Variants in PLXDC2 observed in about 807,000 individuals in gnomAD.
PLXDC2 encodes plexin domain-containing protein 2.
PLXDC2 carries 40 observed loss-of-function variants against 68.9 expected under a neutral mutation model. The ratio of observed to expected loss-of-function variants is 0.58; its 90% CI spans 0.45 to 0.76. PLXDC2 has a LOEUF of 0.76. Among genes scored for constraint, PLXDC2 ranks in the 30% least tolerant of loss-of-function variants. PLXDC2 has a pLI of 0.00. For synonymous variants in PLXDC2, 243 were observed against 234.2 expected (o/e 1.04, Z -0.34); for missense variants, 644 against 661.9 (o/e 0.97, Z 0.30).
At chr10:20,091,977 A>T (rs1354487526) in intron 4 of PLXDC2, among the ~76,000 whole-genome samples, 2 of 152,254 alleles carry the variant, frequency 1.3e-5, no homozygotes, top group Non-Finnish European at 2.9e-5. Flanking sequence ...GACAGTTAAT[A>T]CATATTCACT....
intron 9 of PLXDC2, among the ~76,000 whole-genome samples, chr10:20,209,677 G>A (rs1346841031): frequency 6.6e-6 from 1 of 152,222 alleles, no homozygotes; most frequent in Admixed American, 6.5e-5. Context: ...CTGTTATCCT[G>A]TTCTTTTCTC....
chr10:20,189,668 A>G (rs968789437), intron 9 of PLXDC2, among the ~76,000 whole-genome samples: 9 of 150,918 alleles, frequency 6.0e-5, no homozygotes, highest in East Asian at 2.0e-4. Context: ...TATATGCTGC[A>G]TAACTTTCCT....
intron 1 of PLXDC2, among the ~76,000 whole-genome samples, chr10:19,990,840 T>G (rs541368118): frequency 6.6e-6 from 1 of 152,362 alleles, no homozygotes; most frequent in African/African-American, 2.4e-5. Flanking sequence ...CTTGGGAACT[T>G]TATTTTAAAA....
At chr10:20,070,032 A>G (rs958888141) in intron 4 of PLXDC2, among the ~76,000 whole-genome samples, 7 of 152,190 alleles carry the variant, frequency 4.6e-5, no homozygotes, top group Non-Finnish European at 1.0e-4. Flanking sequence ...ACAGAGAGGA[A>G]GATCCTGAGT....
intron 3 of PLXDC2, among the ~76,000 whole-genome samples, chr10:20,057,012 A>C (rs75207945): frequency 0.014 from 2,069 of 152,200 alleles, 40 homozygotes; most frequent in African/African-American, 0.045. Context: ...TGCAATAAAC[A>C]AGGCAGGTAT....
intron 4 of PLXDC2, among the ~76,000 whole-genome samples, chr10:20,074,864 G>GTATTATTATTAT (rs35596122): frequency 6.6e-6 from 1 of 151,002 alleles, no homozygotes; most frequent in Non-Finnish European, 1.5e-5. Flanking sequence ...GAGTTGTTTT[G>GTATTATTATTAT]TATTATTATT....
At chr10:19,879,452 A>G (rs1837690290) in intron 1 of PLXDC2, among the ~76,000 whole-genome samples, 1 of 152,142 alleles carries the variant, frequency 6.6e-6, no homozygotes, top group South Asian at 2.1e-4. Flanking sequence ...TGACGGTGCA[A>G]ATCAAATTGT....
At chr10:19,890,676 CTTTTT>C (rs56921191) in intron 1 of PLXDC2, among the ~76,000 whole-genome samples, 1 of 61,146 alleles carries the variant, frequency 1.6e-5, no homozygotes, top group African/African-American at 6.4e-5. Flanking sequence ...CGCCCGGCTG[CTTTTT>C]TTTTTTTTTT....
At chr10:19,966,267 G>GTACACATATATGTGTATATA (rs533645630) in intron 1 of PLXDC2, among the ~76,000 whole-genome samples, 2 of 146,028 alleles carry the variant, frequency 1.4e-5, no homozygotes, top group Admixed American at 6.9e-5. Context: ...GTATGTGTAA[G>GTACACATATATGTGTATATA]TACACATATA....
intron 13 of PLXDC2, among the ~76,000 whole-genome samples, chr10:20,264,245 A>G (rs1266608464): frequency 6.6e-6 from 1 of 152,212 alleles, no homozygotes; most frequent in Non-Finnish European, 1.5e-5. Flanking sequence ...GTCCTCACTT[A>G]TTAGTGGGAG....
At chr10:19,952,912 T>A (rs1037167397) in intron 1 of PLXDC2, among the ~76,000 whole-genome samples, 1 of 151,946 alleles carries the variant, frequency 6.6e-6, no homozygotes, top group African/African-American at 2.4e-5. Context: ...TTTTTCTTCT[T>A]TTTTTTTGTT....
At chr10:20,210,688 C>G (rs1835057883) in intron 9 of PLXDC2, among the ~76,000 whole-genome samples, 1 of 152,058 alleles carries the variant, frequency 6.6e-6, no homozygotes, top group South Asian at 2.1e-4. Flanking sequence ...AAGGTTGCCA[C>G]AGGAAAAAGA....
At chr10:19,829,293 T>C (rs1338023678) in intron 1 of PLXDC2, among the ~76,000 whole-genome samples, 2 of 151,796 alleles carry the variant, frequency 1.3e-5, no homozygotes, top group African/African-American at 2.4e-5. Context: ...TGTGACTCAT[T>C]CTCCAGTGCC....
chr10:20,230,705 A>AAAAAAAAAAAAAAAAAAAAAAAAG (rs1835351495), intron 12 of PLXDC2, among the ~76,000 whole-genome samples: 1 of 149,588 alleles, frequency 6.7e-6, no homozygotes, highest in African/African-American at 2.4e-5. Flanking sequence ...AAAAAAAAAA[A>AAAAAAAAAAAAAAAAAAAAAAAAG]AAAAAAAAAC....
intron 1 of PLXDC2, among the ~76,000 whole-genome samples, chr10:19,952,561 T>G (rs763037275): frequency 1.3e-5 from 2 of 152,228 alleles, no homozygotes; most frequent in Admixed American, 6.5e-5. Context: ...GAAATTCCAT[T>G]TAGCAGTCAA....
intron 4 of PLXDC2, among the ~76,000 whole-genome samples, chr10:20,104,429 G>A (rs1451765280): frequency 6.6e-6 from 1 of 152,040 alleles, no homozygotes; most frequent in African/African-American, 2.4e-5. Context: ...ACCAACTCCA[G>A]CCCCTTGTAA....
At chr10:20,101,474 G>T (rs573584331) in intron 4 of PLXDC2, among the ~76,000 whole-genome samples, 1 of 152,044 alleles carries the variant, frequency 6.6e-6, no homozygotes, top group Non-Finnish European at 1.5e-5. Flanking sequence ...TCAAATCTTT[G>T]TATTTCAAAT....
intron 1 of PLXDC2, among the ~76,000 whole-genome samples, chr10:19,990,127 T>G (rs1177851194): frequency 1.3e-5 from 2 of 152,102 alleles, no homozygotes; most frequent in East Asian, 3.9e-4. Context: ...ATTCATCACT[T>G]AATGACTTTT....
intron 1 of PLXDC2, among the ~76,000 whole-genome samples, chr10:19,835,060 C>G (rs1047829614): frequency 6.6e-6 from 1 of 152,116 alleles, no homozygotes; most frequent in Non-Finnish European, 1.5e-5. Flanking sequence ...AGAGAACAAT[C>G]CTGGGGCAGA....
Sources: gnomAD v4.1 joint callset for allele counts (sites outside exome capture counted in the v4.1 genomes callset) on GRCh38, gnomAD v4.1.1 for gene constraint, MANE v1.5 for transcripts, NCBI Gene and HGNC (gene_info 2026-07-23, HGNC 2026-07-21) for gene names.